The following FGF14 variants were observed in gnomAD, a reference collection of about 807,000 sequenced individuals.
FGF14 encodes the protein fibroblast growth factor homologous factor 4.
FGF14 carries 5 observed loss-of-function variants against 25.5 expected under a neutral mutation model. The ratio of observed to expected loss-of-function variants is 0.20; its 90% confidence interval spans 0.10 to 0.41. The LOEUF (loss-of-function observed/expected upper bound fraction) is 0.41. Ranked by LOEUF, FGF14 falls within the 10% of genes least tolerant of loss-of-function variation. FGF14 has a pLI of 1.00. For missense variants in FGF14, 222 were observed against 320.1 expected, an observed-to-expected ratio of 0.69 and a Z score of 2.34; for synonymous variants, 138 against 118.3, an observed-to-expected ratio of 1.17 and a Z score of -1.08.
At chr13:102,007,054 T>G (rs960692201) in intron 1 of FGF14, among the ~76,000 whole-genome samples, 6 of 152,082 alleles carry the variant, frequency 3.9e-5, no homozygotes, top group Non-Finnish European at 8.8e-5. Context: ...AAAATCTTAC[T>G]TCTTAGAGTG....
At chr13:102,072,186 AG>A (rs1381531782) in intron 1 of FGF14, among the ~76,000 whole-genome samples, 1 of 152,210 alleles carries the variant, frequency 6.6e-6, no homozygotes, top group Non-Finnish European at 1.5e-5. Flanking sequence ...CAGAGATAGA[AG>A]GGGGAGAGAA....
chr13:102,188,764 AC>A (rs1370951440), intron 1 of FGF14, among the ~76,000 whole-genome samples: 3 of 151,460 alleles, frequency 2.0e-5, no homozygotes, highest in African/African-American at 7.3e-5. Flanking sequence ...ACATGGTGAA[AC>A]CCCCTTCTCA....
intron 1 of FGF14, among the ~76,000 whole-genome samples, chr13:102,055,416 G>T (rs894089550): frequency 3.9e-5 from 6 of 152,166 alleles, no homozygotes; most frequent in African/African-American, 1.4e-4. Context: ...TACTTTGTTT[G>T]TTCTCCAAAC....
chr13:101,778,608 T>C (rs896025812), intron 3 of FGF14, among the ~76,000 whole-genome samples: 1 of 152,110 alleles, frequency 6.6e-6, no homozygotes, highest in African/African-American at 2.4e-5. Context: ...CTGCTTCCCA[T>C]GGTCAAATGT....
chr13:101,788,433 T>C (rs2039979934), intron 3 of FGF14, among the ~76,000 whole-genome samples: 1 of 152,124 alleles, frequency 6.6e-6, no homozygotes, highest in African/African-American at 2.4e-5. Flanking sequence ...ATGGGAAACT[T>C]ATACATGTGT....
intron 1 of FGF14, among the ~76,000 whole-genome samples, chr13:102,046,932 G>T (rs1449214604): frequency 2.0e-5 from 3 of 152,056 alleles, no homozygotes; most frequent in African/African-American, 7.2e-5. Context: ...ATATTAATTG[G>T]TCACCAAACC....
chr13:102,131,420 T>C (rs572531168), intron 1 of FGF14, among the ~76,000 whole-genome samples: 3 of 152,188 alleles, frequency 2.0e-5, no homozygotes, highest in African/African-American at 4.8e-5. Flanking sequence ...GTCTCTGTGA[T>C]GTGGCTTCCT....
At chr13:102,154,107 T>C (rs1278011953) in intron 1 of FGF14, among the ~76,000 whole-genome samples, 1 of 152,090 alleles carries the variant, frequency 6.6e-6, no homozygotes, top group Non-Finnish European at 1.5e-5. Flanking sequence ...TATAGTTAAA[T>C]CTTTGAACTC....
intron 1 of FGF14, among the ~76,000 whole-genome samples, chr13:102,050,420 T>C (rs955361430): frequency 6.6e-6 from 1 of 152,172 alleles, no homozygotes; most frequent in Non-Finnish European, 1.5e-5. Context: ...TACAGATCAC[T>C]GTAGAACTTG....
At chr13:102,086,421 T>G (rs1345751381) in intron 1 of FGF14, among the ~76,000 whole-genome samples, 1 of 151,878 alleles carries the variant, frequency 6.6e-6, no homozygotes, top group African/African-American at 2.4e-5. Flanking sequence ...TCCCAGCTAC[T>G]CGGGAGGCTG....
chr13:102,086,455 G>A (rs1479624420), intron 1 of FGF14, among the ~76,000 whole-genome samples: 1 of 152,156 alleles, frequency 6.6e-6, no homozygotes, highest in Non-Finnish European at 1.5e-5. Flanking sequence ...GCGTGAACCC[G>A]GGAGGCGGAG....
chr13:101,791,587 AT>A (rs2040235407), intron 3 of FGF14, among the ~76,000 whole-genome samples: 1 of 152,112 alleles, frequency 6.6e-6, no homozygotes, highest in African/African-American at 2.4e-5. Context: ...CAAGGAGATT[AT>A]TATTAGGGAG....
chr13:102,306,393 T>C (rs1407845225), intron 1 of FGF14, among the ~76,000 whole-genome samples: 1 of 149,340 alleles, frequency 6.7e-6, no homozygotes, highest in Non-Finnish European at 1.5e-5. Context: ...AGACATATCA[T>C]GCTTGAGAGA....
At chr13:101,876,207 G>T (rs2045383506) in intron 1 of FGF14, among the ~76,000 whole-genome samples, 1 of 152,138 alleles carries the variant, frequency 6.6e-6, no homozygotes, top group Non-Finnish European at 1.5e-5. Flanking sequence ...AGAGTCAGTT[G>T]TACCTTTGAA....
intron 1 of FGF14, among the ~76,000 whole-genome samples, chr13:101,961,703 G>T (rs1282555280): frequency 6.6e-6 from 1 of 152,066 alleles, no homozygotes; most frequent in Non-Finnish European, 1.5e-5. Context: ...GAGATCTAAT[G>T]GTTTTATGAG....
intron 1 of FGF14, among the ~76,000 whole-genome samples, chr13:101,924,978 G>A (rs930423571): frequency 7.2e-5 from 11 of 152,136 alleles, no homozygotes; most frequent in Non-Finnish European, 1.6e-4. Context: ...CTGAAAAAAA[G>A]GTGTGCATGT....
chr13:101,740,558 G>T (rs1489062935), intron 3 of FGF14, among the ~76,000 whole-genome samples: 2 of 152,172 alleles, frequency 1.3e-5, no homozygotes, highest in Admixed American at 1.3e-4. Context: ...TGAGGGAACA[G>T]AGTGTCAAGC....
intron 1 of FGF14, among the ~76,000 whole-genome samples, chr13:102,323,517 A>G (rs762804653): frequency 3.3e-5 from 5 of 152,192 alleles, no homozygotes; most frequent in Non-Finnish European, 7.3e-5. Context: ...TGACATTGGT[A>G]AAGATCAAAA....
At chr13:101,911,624 A>G (rs2139080059) in intron 1 of FGF14, among the ~76,000 whole-genome samples, 1 of 152,246 alleles carries the variant, frequency 6.6e-6, no homozygotes, top group Non-Finnish European at 1.5e-5. Flanking sequence ...TATTTCATTG[A>G]CCAATCTGGT....
Sources: gnomAD v4.1 joint callset for allele counts (sites outside exome capture counted in the v4.1 genomes callset) on GRCh38, gnomAD v4.1.1 for gene constraint, MANE v1.5 for transcripts, NCBI Gene and HGNC (gene_info 2026-07-23, HGNC 2026-07-21) for gene names.